The following LPA variants were observed in gnomAD, a reference collection of about 807,000 sequenced individuals.
LPA encodes lipoprotein(a).
A neutral mutation model predicts 197.9 loss-of-function variants in LPA; 199 were observed. That is an observed-to-expected ratio of 1.01 (90% CI 0.90 to 1.13). The LOEUF (loss-of-function observed/expected upper bound fraction) is 1.13, where lower values mean the gene tolerates loss of function less well. Among genes scored for constraint, LPA ranks in the 50% most tolerant of loss-of-function variants. The probability of loss-of-function intolerance (pLI) is 0.00; values close to 1 mark genes in which losing one functional copy is unlikely to be tolerated. For synonymous variants in LPA, 715 were observed against 639.5 expected (o/e 1.12, Z -1.78); for missense variants, 1,853 against 1,785.8 (o/e 1.04, Z -0.68).
chr6:160,587,099 T>C (rs1441143571), intron 24 of LPA, among the ~76,000 whole-genome samples: 34 of 152,216 alleles, frequency 2.2e-4, no homozygotes, highest in Admixed American at 2.2e-3. Flanking sequence ...ATCCACATGA[T>C]CTACATTCAT....
At chr6:160,611,462 G>T in intron 16 of LPA, 100 bp downstream of exon 16, 2 of 1,547,900 alleles carry the variant, frequency 1.3e-6, no homozygotes, top group South Asian at 2.2e-5. Flanking sequence ...ATCTGAATCT[G>T]ACACAAGTTG....
intron 1 of LPA, among the ~76,000 whole-genome samples, chr6:160,656,626 C>A (rs1780137684): frequency 6.6e-6 from 1 of 152,188 alleles, no homozygotes; most frequent in South Asian, 2.1e-4. Flanking sequence ...TTCTCCAGTA[C>A]ACACAGTTAC....
At chr6:160,583,925 G>C (rs1433446642) in intron 26 of LPA, among the ~76,000 whole-genome samples, 1 of 152,108 alleles carries the variant, frequency 6.6e-6, no homozygotes, top group South Asian at 2.1e-4. Flanking sequence ...TTCAACATGT[G>C]CAAACAGTTT....
In LPA at chr6:160,633,621, T is replaced by C; in HGVS notation, c.1235+132A>G. The C allele has an allele frequency of 3.2e-6, 3 of 932,002 alleles. 1 individual carries two copies. The highest frequency in any genetic ancestry group is 3.0e-5 in the South Asian group (2 of 66,932). The allele number at this position is 932,002 out of a possible 1,614,324, so 57.7% of individuals were successfully genotyped here. A position where few individuals can be genotyped will look rare whatever the true frequency, so the allele number is the denominator to read the frequency against. On this transcript the variant is annotated intron_variant, in intron 8 of 38. Coordinates refer to ENST00000316300, the MANE Select transcript of LPA (RefSeq NM_005577.4). Reference sequence around the variant, plus strand: ...CAGACCCTTAGCTCCAAGGCAATCATCCTGAGACATTTTGCTACGCCATCT... The same window carrying C: ...CAGACCCTTAGCTCCAAGGCAATCACCCTGAGACATTTTGCTACGCCATCT...
At chr6:160,589,181 C>T in intron 24 of LPA, among the ~76,000 whole-genome samples, 2 of 152,210 alleles carry the variant, frequency 1.3e-5, no homozygotes, top group Non-Finnish European at 2.9e-5. Flanking sequence ...ATGGCAAACA[C>T]AACCTTCACT....
chr6:160,651,295 T>C (rs950330653), intron 1 of LPA, among the ~76,000 whole-genome samples: 1 of 152,166 alleles, frequency 6.6e-6, no homozygotes, highest in Non-Finnish European at 1.5e-5. Context: ...TGGGGTTAGA[T>C]TATGTGTATG....
chr6:160,533,181 A>G (rs965255932), intron 37 of LPA, among the ~76,000 whole-genome samples: 3 of 152,200 alleles, frequency 2.0e-5, no homozygotes, highest in Non-Finnish European at 4.4e-5. Context: ...ATGTCCTGGA[A>G]ATATGGTGAC....
intron 18 of LPA, among the ~76,000 whole-genome samples, chr6:160,603,295 T>C (rs1779282383): frequency 6.6e-6 from 1 of 151,798 alleles, no homozygotes; most frequent in Admixed American, 6.6e-5. Flanking sequence ...TGTGTGAGTA[T>C]GTGTGTATAT....
intron 26 of LPA, among the ~76,000 whole-genome samples, chr6:160,584,352 G>A (rs1294630090): frequency 1.1e-5 from 1 of 88,036 alleles, no homozygotes; most frequent in Non-Finnish European, 2.3e-5. Context: ...TTTTTTTTGA[G>A]ATTGAGTCTT....
At chr6:160,657,802 C>G (rs1365014789) in intron 1 of LPA, among the ~76,000 whole-genome samples, 2 of 152,168 alleles carry the variant, frequency 1.3e-5, no homozygotes, top group African/African-American at 4.8e-5. Context: ...TATGTCCCTT[C>G]CACCATTATC....
intron 1 of LPA, among the ~76,000 whole-genome samples, chr6:160,661,948 A>T (rs1780234223): frequency 6.6e-6 from 1 of 152,218 alleles, no homozygotes; most frequent in African/African-American, 2.4e-5. Flanking sequence ...TTGATATTCA[A>T]AAAGAGGAAA....
chr6:160,541,496 T>A (rs1777981393), intron 34 of LPA, among the ~76,000 whole-genome samples: 1 of 152,182 alleles, frequency 6.6e-6, no homozygotes, highest in African/African-American at 2.4e-5. Context: ...AGCCCTGGAC[T>A]CTGACAAAAG....
intron 30 of LPA, among the ~76,000 whole-genome samples, chr6:160,552,377 G>A (rs530226867): frequency 2.0e-5 from 3 of 152,076 alleles, no homozygotes; most frequent in African/African-American, 7.2e-5. Flanking sequence ...TAATCTATAA[G>A]CATGGTGTAT....
chr6:160,576,204 C>T (rs78733124), intron 28 of LPA, among the ~76,000 whole-genome samples: 14,928 of 150,958 alleles, frequency 0.099, 942 homozygotes, highest in Non-Finnish European at 0.15. Context: ...TACTTTTCAG[C>T]GTTTGTGTAC....
chr6:160,653,566 C>G (rs184493672), intron 1 of LPA, among the ~76,000 whole-genome samples: 21 of 151,934 alleles, frequency 1.4e-4, no homozygotes, highest in Admixed American at 1.4e-3. Flanking sequence ...ACCCCTGGAC[C>G]AGAGAGATTC....
At chr6:160,600,210 A>G (rs554336133) in intron 19 of LPA, among the ~76,000 whole-genome samples, 132 of 152,214 alleles carry the variant, frequency 8.7e-4, no homozygotes, top group Non-Finnish European at 1.7e-3. Context: ...AGTGGAGGCC[A>G]AAAGCTTATC....
rs531513674 is a variant in LPA, at chr6:160,607,816, C to T, written c.2604-1158G>A. Among the ~76,000 whole-genome samples the T allele has an allele frequency of 6.6e-5, 10 of 152,264 alleles. No individual in the cohort carries two copies. In the South Asian group the frequency reaches 1.7e-3, roughly 25 times the overall value. ...CAAACTCGTGACAAATTTCTTTCTTCCTTGGCTTCTCTCTTTTGAATACAT... is the reference window on the plus strand; with the variant it reads ...CAAACTCGTGACAAATTTCTTTCTTTCTTGGCTTCTCTCTTTTGAATACAT... On this transcript the variant is annotated intron_variant, in intron 16 of 38. Coordinates refer to ENST00000316300, the MANE Select transcript of LPA (RefSeq NM_005577.4).
chr6:160,576,686 GTGTGTATA>G (rs66755703), intron 28 of LPA, among the ~76,000 whole-genome samples: 28,467 of 122,204 alleles, frequency 0.23, 3,352 homozygotes, highest in East Asian at 0.46. Context: ...GTGTGTGTGT[GTGTGTATA>G]TATATATATA....
At chr6:160,590,300 G>C (rs1326523635) in intron 23 of LPA, among the ~76,000 whole-genome samples, 1 of 152,170 alleles carries the variant, frequency 6.6e-6, no homozygotes, top group African/African-American at 2.4e-5. Flanking sequence ...CAACAAAGTA[G>C]ACATCCACTA....
Sources: gnomAD v4.1 joint callset for allele counts (sites outside exome capture counted in the v4.1 genomes callset) on GRCh38, gnomAD v4.1.1 for gene constraint, MANE v1.5 for transcripts, NCBI Gene and HGNC (gene_info 2026-07-23, HGNC 2026-07-21) for gene names.